The following TBC1D5 variants were observed in gnomAD, a reference collection of about 807,000 sequenced individuals.
TBC1D5 encodes the protein TBC1 domain family, member 5.
A neutral mutation model predicts 100.3 loss-of-function variants in TBC1D5; 75 were observed. The observed-to-expected ratio is 0.75, with a 90% confidence interval of 0.62 to 0.91. The LOEUF (loss-of-function observed/expected upper bound fraction) is 0.91. Among genes scored for constraint, TBC1D5 ranks in the 40% least tolerant of loss-of-function variants. TBC1D5 has a pLI of 0.00. For missense variants in TBC1D5, 910 were observed against 942.4 expected, an observed-to-expected ratio of 0.97 and a Z score of 0.45; for synonymous variants, 323 against 325.6, an observed-to-expected ratio of 0.99 and a Z score of 0.09.
intron 3 of TBC1D5, among the ~76,000 whole-genome samples, chr3:17,502,366 C>T (rs532996333): frequency 3.3e-5 from 5 of 149,620 alleles, no homozygotes; most frequent in South Asian, 4.2e-4. Context: ...CAGTTTTGCT[C>T]ATTCTCCTCT....
chr3:17,483,813 A>T (rs543754802), intron 3 of TBC1D5, among the ~76,000 whole-genome samples: 1 of 152,312 alleles, frequency 6.6e-6, no homozygotes, highest in Non-Finnish European at 1.5e-5. Context: ...TACATAAAGG[A>T]CTATTAAAGT....
intron 16 of TBC1D5, among the ~76,000 whole-genome samples, chr3:17,256,639 G>A (rs79264744): frequency 7.0e-4 from 106 of 152,234 alleles, no homozygotes; most frequent in African/African-American, 2.4e-3. Flanking sequence ...TAACAAATAT[G>A]TGTTGAGTGC....
intron 8 of TBC1D5, among the ~76,000 whole-genome samples, chr3:17,393,362 T>C (rs1220247689): frequency 6.6e-6 from 1 of 152,100 alleles, no homozygotes; most frequent in African/African-American, 2.4e-5. Context: ...TACTCATGGA[T>C]AGAAAGAATC....
At chr3:17,157,575 GGGGCCA>G (rs1456733196) in exon 22 of TBC1D5, 2 of 98,614 alleles carry the variant, frequency 2.0e-5, no homozygotes, top group Non-Finnish European at 4.2e-5. Flanking sequence ...GCAGGGGCCA[GGGGCCA>G]GGTGTGTGTC....
intron 13 of TBC1D5, among the ~76,000 whole-genome samples, chr3:17,353,083 C>T (rs1037517683): frequency 1.3e-5 from 2 of 152,074 alleles, no homozygotes; most frequent in Non-Finnish European, 2.9e-5. Context: ...CACAGTCCAA[C>T]ACAGACATAT....
chr3:17,332,313 C>T (rs2086991610), intron 13 of TBC1D5, among the ~76,000 whole-genome samples: 1 of 152,106 alleles, frequency 6.6e-6, no homozygotes, highest in South Asian at 2.1e-4. Flanking sequence ...TAAGTGGATG[C>T]TGGTGTCATT....
chr3:17,247,728 A>T (rs529903081), intron 16 of TBC1D5, among the ~76,000 whole-genome samples: 8 of 152,334 alleles, frequency 5.3e-5, no homozygotes, highest in African/African-American at 1.9e-4. Flanking sequence ...ATTGGAGTCA[A>T]TCCCTTCAAA....
chr3:17,726,051 C>T (rs541924914), intron 1 of TBC1D5, among the ~76,000 whole-genome samples: 1 of 152,138 alleles, frequency 6.6e-6, no homozygotes, highest in Non-Finnish European at 1.5e-5. Context: ...TGATGTCATT[C>T]TTTTTTATGG....
At chr3:17,249,843 A>G (rs2077041874) in intron 16 of TBC1D5, among the ~76,000 whole-genome samples, 1 of 152,206 alleles carries the variant, frequency 6.6e-6, no homozygotes, top group South Asian at 2.1e-4. Context: ...GTATTTATTG[A>G]TTAAATTTGC....
At chr3:17,735,436 T>C (rs2076887878) in intron 1 of TBC1D5, among the ~76,000 whole-genome samples, 1 of 152,148 alleles carries the variant, frequency 6.6e-6, no homozygotes. Context: ...GAGGCTGGAA[T>C]GAGGTATAAT....
chr3:17,649,533 T>C (rs761571252), intron 1 of TBC1D5, among the ~76,000 whole-genome samples: 6 of 152,038 alleles, frequency 3.9e-5, no homozygotes, highest in Admixed American at 2.0e-4. Flanking sequence ...CGAACAAACA[T>C]ATGAAAAAGT....
chr3:17,638,856 C>T (rs115189110), intron 1 of TBC1D5, among the ~76,000 whole-genome samples: 4,881 of 151,924 alleles, frequency 0.032, 122 homozygotes, highest in Non-Finnish European at 0.046. Context: ...ATAAAAAATA[C>T]AGACAATAAT....
intron 13 of TBC1D5, among the ~76,000 whole-genome samples, chr3:17,371,177 T>C (rs2092434418): frequency 6.6e-6 from 1 of 152,092 alleles, no homozygotes; most frequent in African/African-American, 2.4e-5. Context: ...AGAAAATTAA[T>C]ACATTATGGT....
intron 2 of TBC1D5, among the ~76,000 whole-genome samples, chr3:17,594,900 T>G (rs2060469322): frequency 6.6e-6 from 1 of 152,180 alleles, no homozygotes. Flanking sequence ...TACAAAGTAT[T>G]GATCCTGGGT....
At chr3:17,726,178 C>T (rs1249087614) in intron 1 of TBC1D5, among the ~76,000 whole-genome samples, 4 of 152,084 alleles carry the variant, frequency 2.6e-5, no homozygotes, top group East Asian at 1.9e-4. Flanking sequence ...AATGAACATA[C>T]GTGTGCATGT....
At chr3:17,297,777 C>CG (rs1261804005) in intron 14 of TBC1D5, among the ~76,000 whole-genome samples, 1 of 147,476 alleles carries the variant, frequency 6.8e-6, no homozygotes, top group African/African-American at 2.5e-5. Flanking sequence ...TTAATTGAGA[C>CG]GGGGGTCCCA....
At chr3:17,417,153 G>A (rs1323782264) in intron 4 of TBC1D5, among the ~76,000 whole-genome samples, 1 of 152,064 alleles carries the variant, frequency 6.6e-6, no homozygotes, top group East Asian at 1.9e-4. Flanking sequence ...TGCTGTTCAA[G>A]AGACCTTTAA....
At position 17,637,212 on chromosome 3, in the gene TBC1D5, T is replaced by A. The variant is rs557666526; in HGVS notation, c.-100-13299A>T. On this transcript the variant is annotated intron_variant, in intron 1 of 21. Transcript: ENST00000253692. ...AATTTTTTTTTTTTTTTTTTTTTTT[T>A]TTTTTTTATTTAGTAGAGACGGGGT... Among the ~76,000 whole-genome samples, 10 of 141,700 alleles carry A rather than the reference T, an allele frequency of 7.1e-5. No individual in the cohort carries two copies. In the South Asian group the frequency reaches 2.1e-3, roughly 30 times the overall value. The allele number at this position is 141,700 out of a possible 152,430, so 93.0% of individuals were successfully genotyped here. A position where few individuals can be genotyped will look rare whatever the true frequency, so the allele number is the denominator to read the frequency against.
chr3:17,257,095 C>A (rs991332924), intron 16 of TBC1D5, among the ~76,000 whole-genome samples: 1 of 148,540 alleles, frequency 6.7e-6, no homozygotes, highest in Non-Finnish European at 1.5e-5. Context: ...AATAGGAAGC[C>A]TTTGGAGATG....
Sources: gnomAD v4.1 joint callset for allele counts (sites outside exome capture counted in the v4.1 genomes callset) on GRCh38, gnomAD v4.1.1 for gene constraint, MANE v1.5 for transcripts, NCBI Gene and HGNC (gene_info 2026-07-23, HGNC 2026-07-21) for gene names.